The following PPFIA1 variants were observed in gnomAD, a reference collection of about 807,000 sequenced individuals.
PPFIA1 encodes the protein PPFI scaffold protein A1.
PPFIA1 carries 25 observed loss-of-function variants against 149.9 expected under a neutral mutation model. That is an observed-to-expected ratio of 0.17 (90% confidence interval 0.12 to 0.23). PPFIA1 has a LOEUF of 0.23. Ranked by LOEUF, PPFIA1 falls within the 10% of genes least tolerant of loss-of-function variation. The pLI, the probability that PPFIA1 is intolerant of heterozygous loss-of-function variation, is 1.00. For missense variants in PPFIA1, 1,362 were observed against 1,506.5 expected (o/e 0.90, Z 1.59); for synonymous variants, 549 against 552.8 (o/e 0.99, Z 0.10).
At chr11:70,323,455 T>A (rs1035333677) in intron 2 of PPFIA1, among the ~76,000 whole-genome samples, 1 of 152,014 alleles carries the variant, frequency 6.6e-6, no homozygotes, top group Non-Finnish European at 1.5e-5. Flanking sequence ...AAGGCCCACT[T>A]TGCCCATGAC....
At chr11:70,273,449 T>G (rs2050210521) in intron 2 of PPFIA1, among the ~76,000 whole-genome samples, 1 of 151,782 alleles carries the variant, frequency 6.6e-6, no homozygotes, top group Admixed American at 6.6e-5. Flanking sequence ...GAGAAGTGGG[T>G]TATTTATGTG....
intron 19 of PPFIA1, among the ~76,000 whole-genome samples, chr11:70,357,527 A>G (rs1365948088): frequency 3.9e-5 from 6 of 152,136 alleles, no homozygotes; most frequent in Non-Finnish European, 8.8e-5. Flanking sequence ...ATGGAAATTT[A>G]TAGAAACCAC....
chr11:70,285,719 A>G (rs1232894817), intron 2 of PPFIA1, among the ~76,000 whole-genome samples: 1 of 151,888 alleles, frequency 6.6e-6, no homozygotes, highest in Non-Finnish European at 1.5e-5. Flanking sequence ...CCCATCACAT[A>G]AGGCACAGAA....
intron 8 of PPFIA1, among the ~76,000 whole-genome samples, chr11:70,331,652 T>C (rs1591244919): frequency 6.6e-6 from 1 of 151,840 alleles, no homozygotes; most frequent in Admixed American, 6.6e-5. Context: ...TGGTGGCACA[T>C]GCCTGTAATT....
rs146410926 is a variant in PPFIA1 at position 70,376,750 on chromosome 11, T to A, written c.3384+150T>A. The A allele has an allele frequency of 1.9e-4, 148 of 767,458 alleles. No homozygotes were observed. In the South Asian group the frequency reaches 2.5e-3, roughly 13 times the overall value. 47.5% of individuals were successfully genotyped at this position (767,458 alleles called of 1,614,324 possible). On this transcript the variant is annotated intron_variant, in intron 25 of 27. Coordinates refer to ENST00000253925, the MANE Select transcript of PPFIA1 (RefSeq NM_003626.5). ...TGTTAGAAGTCAGGCTTTGCTCTTA[T>A]ACATTTATTCACAAATGAGCCTTTA...
rs11415921 is a variant in PPFIA1, at chr11:70,294,546, C to CTT, written c.264+22122_264+22123dup. ...AAGGGAAATGGTGAGAATTTTCTTT[C>CTT]TTTTTTTTTTTTTAATTTTTATTTT... On this transcript the variant is annotated intron_variant, in intron 2 of 27. Transcript: ENST00000253925. 5.1e-3 allele frequency among the ~76,000 whole-genome samples: 731 copies of CTT among 144,050 alleles called. 3 individuals carry two copies. The highest frequency in any genetic ancestry group is 7.8e-3 in the Admixed American group (113 of 14,480). The allele number at this position is 144,050 out of a possible 152,430, so 94.5% of individuals were successfully genotyped here. A position where few individuals can be genotyped will look rare whatever the true frequency, so the allele number is the denominator to read the frequency against.
chr11:70,380,035 TCA>T (rs2057645318), intron 26 of PPFIA1, among the ~76,000 whole-genome samples: 2 of 152,226 alleles, frequency 1.3e-5, no homozygotes, highest in Admixed American at 1.3e-4. Context: ...GGCTTCAATT[TCA>T]GTTTTCCTTC....
chr11:70,353,483 A>G (rs1400730209), intron 16 of PPFIA1, among the ~76,000 whole-genome samples: 1 of 152,226 alleles, frequency 6.6e-6, no homozygotes, highest in African/African-American at 2.4e-5. Flanking sequence ...TCAAAACCAG[A>G]AAACACAAAT....
At chr11:70,342,598 A>G (rs1428279632) in intron 14 of PPFIA1, among the ~76,000 whole-genome samples, 6 of 151,994 alleles carry the variant, frequency 3.9e-5, no homozygotes, top group Non-Finnish European at 8.8e-5. Context: ...CGAGCTTGGT[A>G]GTGCCAGCCT....
At chr11:70,339,423 C>A in intron 14 of PPFIA1, 117 bp downstream of exon 14, 1 of 1,200,330 alleles carries the variant, frequency 8.3e-7, no homozygotes, top group Non-Finnish European at 1.2e-6. Context: ...GCCCTCCTCT[C>A]ATTTTCTATT....
chr11:70,346,006 G>A, intron 15 of PPFIA1: 1 of 452,078 alleles, frequency 2.2e-6, no homozygotes, highest in Non-Finnish European at 4.4e-6. Flanking sequence ...TGCTCAGATT[G>A]CAGGTTTGAA....
intron 2 of PPFIA1, among the ~76,000 whole-genome samples, chr11:70,294,041 A>G (rs1425752657): frequency 1.3e-5 from 2 of 150,578 alleles, no homozygotes; most frequent in East Asian, 2.0e-4. Flanking sequence ...GGCTCGAGCA[A>G]TCCTCCCATC....
intron 2 of PPFIA1, among the ~76,000 whole-genome samples, chr11:70,285,511 C>G (rs981589504): frequency 6.6e-6 from 1 of 151,852 alleles, no homozygotes; most frequent in African/African-American, 2.4e-5. Context: ...GAAACCCTGT[C>G]TCTACTAAAA....
intron 2 of PPFIA1, among the ~76,000 whole-genome samples, chr11:70,295,291 C>T (rs559868765): frequency 7.6e-6 from 1 of 132,320 alleles, no homozygotes; most frequent in African/African-American, 3.4e-5. Flanking sequence ...GCTGACCCCC[C>T]CACCTCCCTC....
intron 2 of PPFIA1, among the ~76,000 whole-genome samples, chr11:70,293,002 T>C (rs1239576703): frequency 6.6e-6 from 1 of 152,198 alleles, no homozygotes; most frequent in African/African-American, 2.4e-5. Context: ...TGCTTGGGCT[T>C]CCCCTGCCTG....
intron 21 of PPFIA1, among the ~76,000 whole-genome samples, chr11:70,370,399 A>G (rs189282576): frequency 1.2e-3 from 174 of 149,512 alleles, no homozygotes; most frequent in African/African-American, 4.2e-3. Context: ...AATTTTTTTT[A>G]ATTTTGAGAC....
Position 70,377,988 on chromosome 11 carries a change from A to AT in PPFIA1, c.3385-36dup, listed in dbSNP as rs770792402. Reference sequence around the variant, plus strand: ...ATGTAACTTTACATCTCTGACCTTTATTTTTTAAATGAATCTTGTTTTTTG... The same window carrying AT: ...ATGTAACTTTACATCTCTGACCTTTATTTTTTTAAATGAATCTTGTTTTTTG... On this transcript the variant is annotated intron_variant, in intron 25 of 27. Coordinates refer to ENST00000253925, the MANE Select transcript of PPFIA1 (RefSeq NM_003626.5). 3.3e-6 allele frequency: 5 copies of AT among 1,504,344 alleles called. No homozygotes were observed. In the South Asian group the frequency reaches 4.7e-5, roughly 14 times the overall value. The allele number at this position is 1,504,344 out of a possible 1,614,324, so 93.2% of individuals were successfully genotyped here.
intron 21 of PPFIA1, 142 bp downstream of exon 21, chr11:70,362,630 A>C (rs1298585904): frequency 9.5e-6 from 7 of 735,162 alleles, no homozygotes; most frequent in Non-Finnish European, 1.4e-5. Flanking sequence ...CATCACATAC[A>C]TTAGAACTTT....
intron 2 of PPFIA1, among the ~76,000 whole-genome samples, chr11:70,281,636 G>A (rs2050764778): frequency 6.6e-6 from 1 of 152,190 alleles, no homozygotes; most frequent in Admixed American, 6.5e-5. Flanking sequence ...GCTTTCTAGA[G>A]CTCTGTAGCC....
Sources: gnomAD v4.1 joint callset for allele counts (sites outside exome capture counted in the v4.1 genomes callset) on GRCh38, gnomAD v4.1.1 for gene constraint, MANE v1.5 for transcripts, NCBI Gene and HGNC (gene_info 2026-07-23, HGNC 2026-07-21) for gene names.